The following CFAP54 variants were observed in gnomAD, a reference collection of about 807,000 sequenced individuals.
The protein encoded by CFAP54 is cilia and flagella associated protein 54.
CFAP54 carries 290 observed loss-of-function variants against 370.4 expected under a neutral mutation model. The observed-to-expected ratio is 0.78, with a 90% CI of 0.71 to 0.86. CFAP54 has a LOEUF of 0.86. Among genes scored for constraint, CFAP54 ranks in the 40% least tolerant of loss-of-function variants. The pLI is 0.00. For synonymous variants in CFAP54, 1,206 were observed against 1,236.5 expected (o/e 0.98, Z 0.52); for missense variants, 3,399 against 3,528.7 (o/e 0.96, Z 0.93).
chr12:96,651,892 C>T, intron 36 of CFAP54, 77 bp downstream of exon 36: 1 of 849,676 alleles, frequency 1.2e-6, no homozygotes, highest in South Asian at 1.9e-5. Context: ...TAAGTAGAAA[C>T]TGTTTTTTTT....
Position 96,525,936 on chromosome 12 carries a change from G to A in CFAP54, c.1159-1310G>A, listed in dbSNP as rs571950836. On this transcript the variant is annotated intron_variant, in intron 8 of 67. Transcript: ENST00000524981. ...GAACTCCTGACCTTGTGATCCACCC[G>A]GCCTCCCAAAGTGCTGGGATTACAG... is the stretch of plus-strand genomic sequence containing the variant. Among the ~76,000 whole-genome samples, 185 of 152,268 alleles carry A rather than the reference G, an allele frequency of 1.2e-3. 1 individual carries two copies. Among genetic ancestry groups the A allele is most frequent in the African/African-American group, 4.2e-3 (174 of 41,556 alleles).
intron 50 of CFAP54, among the ~76,000 whole-genome samples, 173 bp from the exon 51 acceptor site, chr12:96,739,783 A>G (rs1197471232): frequency 6.6e-6 from 1 of 152,184 alleles, no homozygotes; most frequent in Non-Finnish European, 1.5e-5. Flanking sequence ...GACAAGTACT[A>G]GTGTGTGGTT....
intron 50 of CFAP54, among the ~76,000 whole-genome samples, chr12:96,738,962 A>G (rs904565615): frequency 6.6e-6 from 1 of 152,180 alleles, no homozygotes; most frequent in Non-Finnish European, 1.5e-5. Context: ...GACCCAGCCT[A>G]ATGTCCTCAT....
intron 50 of CFAP54, among the ~76,000 whole-genome samples, chr12:96,722,540 A>G (rs1015815411): frequency 1.3e-5 from 2 of 152,196 alleles, no homozygotes; most frequent in African/African-American, 4.8e-5. Context: ...CAAGGAGATT[A>G]CATAAGACCT....
chr12:96,829,924 T>C (rs934462148), intron 66 of CFAP54, among the ~76,000 whole-genome samples: 7 of 152,270 alleles, frequency 4.6e-5, no homozygotes, highest in African/African-American at 1.7e-4. Context: ...TTCTACTTTC[T>C]GTCTCTACGA....
chr12:96,638,473 A>T (rs551893223), intron 32 of CFAP54, among the ~76,000 whole-genome samples: 2 of 151,818 alleles, frequency 1.3e-5, no homozygotes, highest in East Asian at 3.9e-4. Context: ...CCTGGGCCCA[A>T]GTGATCCTCC....
At chr12:96,726,072 G>T (rs1592727646) in intron 50 of CFAP54, among the ~76,000 whole-genome samples, 2 of 147,512 alleles carry the variant, frequency 1.4e-5, no homozygotes, top group Admixed American at 1.4e-4. Flanking sequence ...GCTGGATTTG[G>T]TTTGCCAGTA....
At chr12:96,762,827 T>C (rs1483865030) in intron 58 of CFAP54, among the ~76,000 whole-genome samples, 1 of 152,092 alleles carries the variant, frequency 6.6e-6, no homozygotes, top group Non-Finnish European at 1.5e-5. Flanking sequence ...GATTTCCCCA[T>C]AGGTAGATCT....
chr12:96,679,573 C>A (rs1957247802), intron 39 of CFAP54, 27 bp from the exon 40 acceptor site: 1 of 1,598,300 alleles, frequency 6.3e-7, no homozygotes. Context: ...ATTTCATCCC[C>A]AATATTCCGC....
intron 39 of CFAP54, among the ~76,000 whole-genome samples, chr12:96,673,768 C>T (rs956289094): frequency 3.3e-5 from 5 of 152,144 alleles, no homozygotes; most frequent in East Asian, 1.9e-4. Context: ...GATTTTCTTT[C>T]GGCATAATGG....
At chr12:96,733,349 T>C (rs1024517087) in intron 50 of CFAP54, among the ~76,000 whole-genome samples, 2 of 152,160 alleles carry the variant, frequency 1.3e-5, no homozygotes, top group African/African-American at 2.4e-5. Context: ...TTCATGATAC[T>C]TCTAATAAAA....
At chr12:96,745,448 CT>C (rs1292480427) in intron 55 of CFAP54, among the ~76,000 whole-genome samples, 4 of 151,920 alleles carry the variant, frequency 2.6e-5, no homozygotes, top group Non-Finnish European at 5.9e-5. Flanking sequence ...TGATGTTGAG[CT>C]TTTTTTCATG....
chr12:96,536,980 A>G (rs1955513470), intron 12 of CFAP54, among the ~76,000 whole-genome samples: 1 of 133,122 alleles, frequency 7.5e-6, no homozygotes. Context: ...ATTCAATTCA[A>G]TTCAATACAA....
At chr12:96,493,106 C>G (rs1022389921) in intron 1 of CFAP54, among the ~76,000 whole-genome samples, 3 of 152,130 alleles carry the variant, frequency 2.0e-5, no homozygotes, top group Non-Finnish European at 4.4e-5. Context: ...CCATCTTTAA[C>G]AAGACTATAA....
chr12:96,498,340 C>G (rs1442935562), intron 1 of CFAP54, among the ~76,000 whole-genome samples: 15 of 152,202 alleles, frequency 9.9e-5, no homozygotes. Context: ...GGATCACCTA[C>G]CTAAATGTAA....
intron 40 of CFAP54, among the ~76,000 whole-genome samples, chr12:96,680,193 T>C (rs760880196): frequency 7.9e-5 from 12 of 152,224 alleles, no homozygotes; most frequent in Non-Finnish European, 4.4e-5. Context: ...ACAAGATTTC[T>C]TATTAATACT....
rs184579412 is a variant in CFAP54, at chr12:96,875,248, C to T, written c.*145C>T. Reference sequence around the variant, plus strand: ...TTCAATGTCTTGCTTGCACAGAAGCCTCTAGTTCAAACTTGGATCTTGCCC... The same window carrying T: ...TTCAATGTCTTGCTTGCACAGAAGCTTCTAGTTCAAACTTGGATCTTGCCC... On this transcript the variant is annotated 3_prime_UTR_variant, in exon 68 of 68. Transcript: ENST00000524981. The T allele has an allele frequency of 6.6e-6, 1 of 152,260 alleles. No individual in the cohort carries two copies. The highest frequency in any genetic ancestry group is 1.5e-5 in the Non-Finnish European group (1 of 68,020). 9.4% of individuals were successfully genotyped at this position (152,260 alleles called of 1,614,324 possible). A position where few individuals can be genotyped will look rare whatever the true frequency, so the allele number is the denominator to read the frequency against.
At chr12:96,731,620 T>C (rs921609056) in intron 50 of CFAP54, among the ~76,000 whole-genome samples, 3 of 152,228 alleles carry the variant, frequency 2.0e-5, no homozygotes, top group Non-Finnish European at 4.4e-5. Context: ...CACCACGAGC[T>C]TGACAATTTT....
At chr12:96,594,483 T>A (rs1956156655) in intron 25 of CFAP54, 37 bp downstream of exon 25, 1 of 1,392,640 alleles carries the variant, frequency 7.2e-7, no homozygotes, top group Non-Finnish European at 9.5e-7. Flanking sequence ...AGGGAATCTT[T>A]ATAAAGGCAA....
Sources: gnomAD v4.1 joint callset for allele counts (sites outside exome capture counted in the v4.1 genomes callset) on GRCh38, gnomAD v4.1.1 for gene constraint, MANE v1.5 for transcripts, NCBI Gene and HGNC (gene_info 2026-07-23, HGNC 2026-07-21) for gene names.